RP1: variants seen among roughly 807,000 people sequenced by gnomAD.
The protein encoded by RP1 is oxygen-regulated protein 1.
RP1 carries 16 observed loss-of-function variants against 14.8 expected under a neutral mutation model. The ratio of observed to expected loss-of-function variants is 1.08; its 90% CI spans 0.73 to 1.65. The LOEUF (loss-of-function observed/expected upper bound fraction) is 1.65. Among genes scored for constraint, RP1 ranks in the 40% most tolerant of loss-of-function variants. The probability of loss-of-function intolerance (pLI) is 0.00; values close to 1 mark genes in which losing one functional copy is unlikely to be tolerated. For missense variants in RP1, 2,631 were observed against 2,535.0 expected, an observed-to-expected ratio of 1.04 and a Z score of -0.81; for synonymous variants, 876 against 883.6, an observed-to-expected ratio of 0.99 and a Z score of 0.15.
chr8:54,571,303 T>TG (rs1406695787), intron 1 of RP1, among the ~76,000 whole-genome samples: 1 of 152,246 alleles, frequency 6.6e-6, no homozygotes. Flanking sequence ...ACATCACACT[T>TG]GCAGTCACTT....
At chr8:54,686,516 G>T (rs1807566236) in intron 12 of RP1, among the ~76,000 whole-genome samples, 1 of 151,898 alleles carries the variant, frequency 6.6e-6, no homozygotes, top group East Asian at 1.9e-4. Context: ...CCACTTCTAG[G>T]CAATACTATG....
At chr8:54,794,282 G>A (rs188214314) in intron 24 of RP1, among the ~76,000 whole-genome samples, 30 of 151,624 alleles carry the variant, frequency 2.0e-4, no homozygotes, top group Middle Eastern at 3.4e-3. Context: ...GAACAAAGCT[G>A]GATGCATTGC....
chr8:54,710,080 G>A (rs1808259463), intron 15 of RP1, among the ~76,000 whole-genome samples: 1 of 152,114 alleles, frequency 6.6e-6, no homozygotes, highest in Non-Finnish European at 1.5e-5. Context: ...GACCTCTAGG[G>A]GTTCTCCCAT....
intron 1 of RP1, among the ~76,000 whole-genome samples, chr8:54,605,940 CATG>C (rs149390986): frequency 0.45 from 66,211 of 147,960 alleles, 16,517 homozygotes; most frequent in African/African-American, 0.65. Context: ...TGTCTCTGCA[CATG>C]ATGAGATGGG....
intron 12 of RP1, chr8:54,696,629 G>T (rs1807870368): frequency 7.3e-6 from 6 of 827,440 alleles, no homozygotes; most frequent in Non-Finnish European, 1.2e-5. Context: ...GAAACCTCAT[G>T]CCTTAGAATT....
intron 1 of RP1, among the ~76,000 whole-genome samples, chr8:54,619,888 G>A (rs1805814031): frequency 6.6e-6 from 1 of 152,286 alleles, no homozygotes; most frequent in Admixed American, 6.5e-5. Flanking sequence ...AGAACTTAAT[G>A]TCAAGTACAT....
chr8:54,695,081 A>C (rs528342296), intron 12 of RP1, among the ~76,000 whole-genome samples: 3 of 152,162 alleles, frequency 2.0e-5, no homozygotes, highest in African/African-American at 7.2e-5. Flanking sequence ...TTATGCACCC[A>C]GTAGTCATTC....
chr8:54,579,134 A>C (rs1804724091), intron 1 of RP1, among the ~76,000 whole-genome samples: 2 of 152,196 alleles, frequency 1.3e-5, no homozygotes, highest in Non-Finnish European at 2.9e-5. Flanking sequence ...TTGTTTCAAG[A>C]ACTCCAATCT....
chr8:54,674,481 A>T (rs1585597256), intron 8 of RP1, among the ~76,000 whole-genome samples: 1 of 151,508 alleles, frequency 6.6e-6, no homozygotes, highest in Non-Finnish European at 1.5e-5. Flanking sequence ...AATCCATTTA[A>T]CAAAAGACAG....
At chr8:54,642,709 G>A (rs1460282408) in intron 3 of RP1, among the ~76,000 whole-genome samples, 1 of 152,078 alleles carries the variant, frequency 6.6e-6, no homozygotes, top group African/African-American at 2.4e-5. Context: ...GTCGTTCTGA[G>A]TATATTTGTA....
intron 1 of RP1, among the ~76,000 whole-genome samples, chr8:54,577,391 C>A (rs888723133): frequency 2.6e-5 from 4 of 152,100 alleles, no homozygotes; most frequent in African/African-American, 9.7e-5. Flanking sequence ...AAGTGTCAAT[C>A]ATTTATTTGT....
At chr8:54,600,261 T>A (rs1369909772) in intron 1 of RP1, among the ~76,000 whole-genome samples, 1 of 152,178 alleles carries the variant, frequency 6.6e-6, no homozygotes, top group Non-Finnish European at 1.5e-5. Context: ...ATGTAAGAAG[T>A]CCCTTTGCCC....
intron 24 of RP1, among the ~76,000 whole-genome samples, chr8:54,827,227 A>C (rs968313507): frequency 1.3e-5 from 2 of 152,226 alleles, no homozygotes; most frequent in African/African-American, 2.4e-5. Flanking sequence ...TTCTTTCATC[A>C]ATAACAAAGT....
At chr8:54,596,681 A>G (rs1398108455) in intron 1 of RP1, among the ~76,000 whole-genome samples, 2 of 152,218 alleles carry the variant, frequency 1.3e-5, no homozygotes, top group East Asian at 1.9e-4. Context: ...GCAAGTACTC[A>G]GTAAGAGCCA....
intron 21 of RP1, chr8:54,755,811 C>T: frequency 7.2e-7 from 1 of 1,396,126 alleles, no homozygotes; most frequent in Non-Finnish European, 9.3e-7. Context: ...TTAACAATCT[C>T]TCTGAAGATG....
intron 19 of RP1, among the ~76,000 whole-genome samples, chr8:54,741,245 A>G (rs76951424): frequency 0.064 from 9,768 of 152,190 alleles, 964 homozygotes; most frequent in African/African-American, 0.22. Flanking sequence ...TGAAGCCTAC[A>G]GTAGTGTACA....
rs570903398 is a variant in RP1, at chr8:54,696,889, C to T, written c.1718-2578C>T. ...GACAAGCCAAGGTCAAGAATAAGAT[C>T]GTTCTTCTGACAGACAACACAGTGA... On this transcript the variant is annotated intron_variant, in intron 12 of 22. Transcript: ENST00000636932. The T allele has an allele frequency of 3.8e-5, 30 of 782,252 alleles. 1 individual carries two copies. Among genetic ancestry groups the T allele is most frequent in the South Asian group, 1.3e-4 (10 of 74,272 alleles). The allele number at this position is 782,252 out of a possible 1,614,324, so 48.5% of individuals were successfully genotyped here.
chr8:54,627,483 C>G lies in RP1; in HGVS notation c.3601C>G (p.Gln1201Glu). 6.2e-7 allele frequency: 1 copy of G among 1,614,156 alleles called. No homozygotes were observed. The highest frequency in any genetic ancestry group is 8.5e-7 in the Non-Finnish European group (1 of 1,179,978). Residue 1201 changes from glutamine to glutamate, a missense_variant, in exon 4 of 4, where the codon CAA (glutamine) becomes GAA (glutamate). Transcript: ENST00000220676. ...TSHFGLSEKE[Q>E]DMVPIDLSAN... Reference sequence around the variant, plus strand: ...CCACTTTGGACTCAGTGAGAAAGAACAAGACATGGTTCCAATAGATCTTTC... The same window carrying G: ...CCACTTTGGACTCAGTGAGAAAGAAGAAGACATGGTTCCAATAGATCTTTC...
At chr8:54,658,442 T>C (rs1398791667) in intron 6 of RP1, among the ~76,000 whole-genome samples, 1 of 148,320 alleles carries the variant, frequency 6.7e-6, no homozygotes, top group Admixed American at 6.7e-5. Flanking sequence ...TCCCAGCTAC[T>C]TGGGAGGCTG....
Sources: gnomAD v4.1 joint callset for allele counts (sites outside exome capture counted in the v4.1 genomes callset) on GRCh38, gnomAD v4.1.1 for gene constraint, MANE v1.5 for transcripts, NCBI Gene and HGNC (gene_info 2026-07-23, HGNC 2026-07-21) for gene names.